The following PDE11A variants were observed in gnomAD, a reference collection of about 807,000 sequenced individuals.
The protein encoded by PDE11A is dual 3',5'-cyclic-AMP and -GMP phosphodiesterase 11A.
Under a neutral mutation model 100.5 loss-of-function variants are expected in PDE11A, and 100 were observed. The observed-to-expected ratio is 1.00, with a 90% confidence interval of 0.85 to 1.18. The LOEUF is 1.18. PDE11A is among the 50% of genes most tolerant of loss of function. The pLI is 0.00. For missense variants in PDE11A, 1,141 were observed against 1,152.6 expected, an observed-to-expected ratio of 0.99 and a Z score of 0.15; for synonymous variants, 381 against 420.8, an observed-to-expected ratio of 0.91 and a Z score of 1.16.
At chr2:177,963,037 G>T (rs1376205317) in intron 2 of PDE11A, among the ~76,000 whole-genome samples, 1 of 152,060 alleles carries the variant, frequency 6.6e-6, no homozygotes, top group Non-Finnish European at 1.5e-5. Flanking sequence ...TAGTTGGGGT[G>T]GTGGGAATTA....
chr2:177,963,945 T>C (rs546146422), intron 2 of PDE11A, among the ~76,000 whole-genome samples: 6 of 152,302 alleles, frequency 3.9e-5, no homozygotes, highest in African/African-American at 1.4e-4. Flanking sequence ...CGTGAGTGGA[T>C]TCTGCAAGGG....
At chr2:177,855,079 T>A (rs1040819172) in intron 5 of PDE11A, among the ~76,000 whole-genome samples, 2 of 152,150 alleles carry the variant, frequency 1.3e-5, no homozygotes, top group African/African-American at 4.8e-5. Flanking sequence ...GACATTGAAA[T>A]ATGTAGCATA....
intron 2 of PDE11A, among the ~76,000 whole-genome samples, chr2:178,080,432 G>T (rs1045728028): frequency 1.3e-4 from 20 of 152,058 alleles, no homozygotes; most frequent in Non-Finnish European, 4.4e-5. Flanking sequence ...TTTTTGTCAG[G>T]TTTGTCAAAG....
chr2:178,030,584 A>G (rs977190521), intron 1 of PDE11A, among the ~76,000 whole-genome samples: 2 of 150,578 alleles, frequency 1.3e-5, no homozygotes, highest in South Asian at 2.1e-4. Context: ...TATTCTAAGA[A>G]AAAAAAAAAG....
chr2:177,718,388 C>G (rs2081474897), intron 12 of PDE11A, among the ~76,000 whole-genome samples: 1 of 152,240 alleles, frequency 6.6e-6, no homozygotes, highest in Non-Finnish European at 1.5e-5. Context: ...AGTTGCACAG[C>G]TTTTAAATCC....
In PDE11A at chr2:177,910,428, C is replaced by CTA. The variant is rs56372605; in HGVS notation, c.1072-5243_1072-5242dup. 1.4e-4 allele frequency among the ~76,000 whole-genome samples: 19 copies of CTA among 137,576 alleles called. No individual in the cohort carries two copies. In the East Asian group the frequency reaches 1.9e-3, roughly 13 times the overall value. 90.3% of individuals were successfully genotyped at this position (137,576 alleles called of 152,430 possible). A position where few individuals can be genotyped will look rare whatever the true frequency, so the allele number is the denominator to read the frequency against. ...TCTCTCTCTGTCTCTCTCTCTCTCT[C>CTA]TATATATATATATATATACACACAC... On this transcript the variant is annotated intron_variant, in intron 2 of 19. Transcript: ENST00000286063.
intron 6 of PDE11A, among the ~76,000 whole-genome samples, chr2:177,832,549 ACATC>A (rs756351123): frequency 5.1e-4 from 68 of 132,172 alleles, no homozygotes; most frequent in South Asian, 2.0e-3. Flanking sequence ...CTTAATACTC[ACATC>A]CATCTATCTA....
intron 19 of PDE11A, among the ~76,000 whole-genome samples, chr2:177,635,975 G>T (rs1214700446): frequency 6.6e-6 from 1 of 151,924 alleles, no homozygotes; most frequent in Admixed American, 6.6e-5. Flanking sequence ...TGCTGTAATG[G>T]ATATCCCTGT....
intron 4 of PDE11A, among the ~76,000 whole-genome samples, chr2:177,885,148 TAATAA>T (rs1394004398): frequency 9.9e-5 from 15 of 152,136 alleles, no homozygotes; most frequent in Admixed American, 7.9e-4. Context: ...ATACAGTTAT[TAATAA>T]AATGAGTTAA....
intron 15 of PDE11A, among the ~76,000 whole-genome samples, chr2:177,691,772 C>T (rs1427333033): frequency 6.6e-6 from 1 of 152,046 alleles, no homozygotes; most frequent in Non-Finnish European, 1.5e-5. Flanking sequence ...CTCCCCACTC[C>T]CCTAACCCAT....
chr2:177,812,417 GAC>G (rs2082962749), intron 9 of PDE11A, among the ~76,000 whole-genome samples: 1 of 152,082 alleles, frequency 6.6e-6, no homozygotes. Context: ...TTCTGCAGGG[GAC>G]ACTGACACAA....
chr2:177,845,145 G>A (rs913606854), intron 5 of PDE11A, among the ~76,000 whole-genome samples: 13 of 151,672 alleles, frequency 8.6e-5, no homozygotes, highest in South Asian at 2.1e-4. Context: ...CCTCCCGGAC[G>A]GGGCGGCTGG....
intron 10 of PDE11A, among the ~76,000 whole-genome samples, chr2:177,768,941 T>C (rs2082274066): frequency 6.6e-6 from 1 of 152,234 alleles, no homozygotes; most frequent in South Asian, 2.1e-4. Context: ...TAGCTATTAT[T>C]ATCCCAATCT....
chr2:177,836,460 T>C (rs2083401751), intron 6 of PDE11A, among the ~76,000 whole-genome samples: 1 of 152,200 alleles, frequency 6.6e-6, no homozygotes, highest in African/African-American at 2.4e-5. Context: ...TTGGGGATTG[T>C]AAATGCACCA....
intron 1 of PDE11A, among the ~76,000 whole-genome samples, chr2:178,039,172 G>C (rs1201806688): frequency 6.6e-6 from 1 of 152,102 alleles, no homozygotes; most frequent in Non-Finnish European, 1.5e-5. Context: ...TGACACATTG[G>C]ATATACACAT....
At chr2:178,076,146 T>C (rs755069225), upstream of PDE11A, among the ~76,000 whole-genome samples, 22 of 152,280 alleles carry the variant, frequency 1.4e-4, no homozygotes, top group African/African-American at 4.8e-4. Context: ...ACTGTGAAGA[T>C]AGATCACTCA....
intron 4 of PDE11A, among the ~76,000 whole-genome samples, chr2:177,892,606 G>C (rs1006120348): frequency 1.3e-5 from 2 of 152,216 alleles, no homozygotes; most frequent in Admixed American, 6.5e-5. Flanking sequence ...TTCAGATTTA[G>C]ACTCATTTAA....
chr2:177,728,774 G>A (rs2081640241), intron 10 of PDE11A, among the ~76,000 whole-genome samples: 1 of 152,096 alleles, frequency 6.6e-6, no homozygotes, highest in African/African-American at 2.4e-5. Flanking sequence ...TCACTGAGGA[G>A]ATCAATTTTG....
intron 16 of PDE11A, among the ~76,000 whole-genome samples, chr2:177,677,671 G>A (rs1255895590): frequency 1.3e-5 from 2 of 152,156 alleles, no homozygotes; most frequent in African/African-American, 4.8e-5. Flanking sequence ...AAACAAGGAA[G>A]GGAGAGTGGG....
Sources: gnomAD v4.1 joint callset for allele counts (sites outside exome capture counted in the v4.1 genomes callset) on GRCh38, gnomAD v4.1.1 for gene constraint, MANE v1.5 for transcripts, NCBI Gene and HGNC (gene_info 2026-07-23, HGNC 2026-07-21) for gene names.